Variants in HDAC7 observed in about 807,000 individuals in gnomAD.
HDAC7 encodes the protein histone deacetylase 7.
Under a neutral mutation model 115.5 loss-of-function variants are expected in HDAC7, and 26 were observed. The ratio of observed to expected loss-of-function variants is 0.23; its 90% confidence interval spans 0.16 to 0.31. The LOEUF is 0.31. Among genes scored for constraint, HDAC7 ranks in the 10% least tolerant of loss-of-function variants. The pLI is 1.00. For synonymous variants in HDAC7, 564 were observed against 550.9 expected, an observed-to-expected ratio of 1.02 and a Z score of -0.33; for missense variants, 1,068 against 1,329.0, an observed-to-expected ratio of 0.80 and a Z score of 3.05.
intron 22 of HDAC7, among the ~76,000 whole-genome samples, chr12:47,786,188 T>C (rs917682451): frequency 6.6e-6 from 1 of 152,120 alleles, no homozygotes; most frequent in Non-Finnish European, 1.5e-5. Context: ...CACCCTCTCT[T>C]CTTTCTGTAC....
intron 7 of HDAC7, 105 bp downstream of exon 7, chr12:47,796,912 T>C: frequency 7.6e-7 from 1 of 1,312,064 alleles, no homozygotes; most frequent in East Asian, 2.6e-5. Context: ...CAACCACGCA[T>C]GGCAGTCCTA....
chr12:47,787,868 AGTTT>A lies in HDAC7; in HGVS notation c.2356-63_2356-60del, dbSNP rs780297248. ...AGCAGAGTCCCAGAAGGGGAACACCAGTTTGTTAGAGCTGCCAGCCCAGCTCATC... is the reference window on the plus strand; with the variant it reads ...AGCAGAGTCCCAGAAGGGGAACACCAGTTAGAGCTGCCAGCCCAGCTCATC... On this transcript the variant is annotated intron_variant, in intron 20 of 25. Coordinates refer to ENST00000080059, the MANE Select transcript of HDAC7 (RefSeq NM_015401.5). 3 of 1,546,818 alleles carry A rather than the reference AGTTT, an allele frequency of 1.9e-6. No homozygotes were observed. The East Asian group carries it at 7.0e-5, about 36-fold the overall frequency.
At chr12:47,787,986 G>A (rs1943264405) in intron 20 of HDAC7, 59 bp downstream of exon 20, 1 of 1,593,160 alleles carries the variant, frequency 6.3e-7, no homozygotes, top group Non-Finnish European at 8.6e-7. Flanking sequence ...GACAGAGGCA[G>A]AGTAAGTGTC....
chr12:47,807,444 C>A (rs1459757712), intron 1 of HDAC7, among the ~76,000 whole-genome samples: 1 of 152,088 alleles, frequency 6.6e-6, no homozygotes, highest in Non-Finnish European at 1.5e-5. Context: ...CGCTGAGGCC[C>A]AGCAGTATTA....
chr12:47,796,164 C>T lies in HDAC7; in HGVS notation c.795+43G>A, dbSNP rs1417583609. On this transcript the variant is annotated intron_variant, in intron 8 of 25. Coordinates refer to ENST00000080059, the MANE Select transcript of HDAC7 (RefSeq NM_015401.5). Reference sequence around the variant, plus strand: ...GCCGCCTGCTGGAAGAAGGCTGAGCCTCAGAACTGCCCCAGGAGAGCCCAG... The same window carrying T: ...GCCGCCTGCTGGAAGAAGGCTGAGCTTCAGAACTGCCCCAGGAGAGCCCAG... 3 of 1,572,984 alleles carry T rather than the reference C, an allele frequency of 1.9e-6. No homozygotes were observed. In the Admixed American group the frequency reaches 5.7e-5, roughly 30 times the overall value.
intron 16 of HDAC7, chr12:47,790,354 A>C: frequency 5.5e-6 from 1 of 182,524 alleles, no homozygotes; most frequent in Non-Finnish European, 1.2e-5. Flanking sequence ...GGCCCCCCAA[A>C]CCCAGTCCCT....
rs1004884425 is a variant in HDAC7, at chr12:47,803,979, C to T, written c.20-1705G>A. Reference sequence around the variant, plus strand: ...TCCCCTGCCTCCTGGGAATTCTGTCCCACCTCCCCAGTCCCTACCCAGGGG... The same window carrying T: ...TCCCCTGCCTCCTGGGAATTCTGTCTCACCTCCCCAGTCCCTACCCAGGGG... On this transcript the variant is annotated intron_variant, in intron 1 of 25. Transcript: ENST00000080059. The surrounding 1 kb of genome is among the most constrained non-coding windows in gnomAD (Gnocchi z 4.0). Among the ~76,000 whole-genome samples, 3 of 152,154 alleles carry T rather than the reference C, an allele frequency of 2.0e-5. No homozygotes were observed. The highest frequency in any genetic ancestry group is 7.2e-5 in the African/African-American group (3 of 41,430).
intron 14 of HDAC7, 70 bp downstream of exon 14, chr12:47,791,801 G>GGCCCCCCCCCCCCCC: frequency 3.3e-6 from 5 of 1,511,050 alleles, no homozygotes; most frequent in Admixed American, 2.0e-5. Context: ...GGGCCCCAGG[G>GGCCCCCCCCCCCCCC]CCCCCCACCC....
chr12:47,787,229 C>A (rs758961485), intron 21 of HDAC7, among the ~76,000 whole-genome samples: 12 of 71,884 alleles, frequency 1.7e-4, no homozygotes, highest in Non-Finnish European at 3.3e-4. Context: ...TCATCCTCTC[C>A]CTCTTCCAGG....
chr12:47,789,742 G>C, intron 17 of HDAC7, 71 bp downstream of exon 17: 1 of 1,403,450 alleles, frequency 7.1e-7, no homozygotes, highest in Non-Finnish European at 1.0e-6. Flanking sequence ...GGGGTTCTGG[G>C]CCTGGATTCC....
intron 2 of HDAC7, among the ~76,000 whole-genome samples, chr12:47,800,533 G>A (rs1028238476): frequency 6.6e-6 from 1 of 152,220 alleles, no homozygotes; most frequent in African/African-American, 2.4e-5. Context: ...AGTAGAAAAT[G>A]TATGGCTTTG....
At chr12:47,802,366 C>T in intron 1 of HDAC7, 92 bp from the exon 2 acceptor site, 1 of 1,531,226 alleles carries the variant, frequency 6.5e-7, no homozygotes, top group South Asian at 1.2e-5. Flanking sequence ...CTGCTCCCTG[C>T]CACTCCAAGC....
At chr12:47,804,064 G>A (rs1377368827) in intron 1 of HDAC7, among the ~76,000 whole-genome samples, 1 of 152,136 alleles carries the variant, frequency 6.6e-6, no homozygotes, top group African/African-American at 2.4e-5. Flanking sequence ...TGCTCCCCTG[G>A]TAACCACAGA....
intron 1 of HDAC7, among the ~76,000 whole-genome samples, chr12:47,807,698 G>A (rs540609226): frequency 1.5e-4 from 23 of 152,030 alleles, no homozygotes; most frequent in Middle Eastern, 3.4e-3. Context: ...CCAGCCCTGC[G>A]CAGGTGAGAG....
chr12:47,783,931 A>C (rs1942999310), intron 25 of HDAC7, 45 bp from the exon 26 acceptor site: 3 of 1,611,950 alleles, frequency 1.9e-6, no homozygotes, highest in Admixed American at 1.7e-5. Flanking sequence ...CCAGGGCTGC[A>C]GCAAGGGCCT....
At position 47,798,683 on chromosome 12, in the gene HDAC7, A is replaced by G; in HGVS notation, c.259-31T>C. On this transcript the variant is annotated intron_variant, in intron 3 of 25. Transcript: ENST00000080059. The surrounding 1 kb of genome is among the most constrained non-coding windows in gnomAD (Gnocchi z 4.3). Reference sequence around the variant, plus strand: ...GGCAGGGCCGGCAGCCCAGAAAGGGACAAGGAGTTGAGGACTGAGACTGGT... The same window carrying G: ...GGCAGGGCCGGCAGCCCAGAAAGGGGCAAGGAGTTGAGGACTGAGACTGGT... 6.3e-7 allele frequency: 1 copy of G among 1,598,526 alleles called. No individual in the cohort carries two copies. The highest frequency in any genetic ancestry group is 8.5e-7 in the Non-Finnish European group (1 of 1,172,050).
rs1944007859 is a variant in HDAC7, at chr12:47,798,698, C to T, written c.259-46G>A. On this transcript the variant is annotated intron_variant, in intron 3 of 25. Coordinates refer to ENST00000080059, the MANE Select transcript of HDAC7 (RefSeq NM_015401.5). The surrounding 1 kb of genome is among the most constrained non-coding windows in gnomAD (Gnocchi z 4.3). ...CCAGAAAGGGACAAGGAGTTGAGGACTGAGACTGGTGTCTAGGGATGCTGA... is the reference window on the plus strand; with the variant it reads ...CCAGAAAGGGACAAGGAGTTGAGGATTGAGACTGGTGTCTAGGGATGCTGA... 1.9e-6 allele frequency: 3 copies of T among 1,585,590 alleles called. No homozygotes were observed. Among genetic ancestry groups the T allele is most frequent in the Non-Finnish European group, 2.6e-6 (3 of 1,164,858 alleles).
At chr12:47,791,168 GA>G in intron 16 of HDAC7, 90 bp downstream of exon 16, 1 of 1,239,432 alleles carries the variant, frequency 8.1e-7, no homozygotes, top group Non-Finnish European at 1.2e-6. Context: ...ACAACAAGCA[GA>G]GGTTCTGCAG....
Position 47,798,856 on chromosome 12 carries a change from G to A in HDAC7, c.187C>T (p.Arg63Cys), listed in dbSNP as rs771310623. ...PPEPTLLALQRPQRLHHHLFL... is the reference protein window; with the variant it reads ...PPEPTLLALQCPQRLHHHLFL... Reference sequence around the variant, plus strand: ...AGGTGGTGGTGCAGGCGCTGGGGACGCTGCAGGGCCAGCAATGTGGGCTCT... The same window carrying A: ...AGGTGGTGGTGCAGGCGCTGGGGACACTGCAGGGCCAGCAATGTGGGCTCT... The change falls in exon 3 of 26, where the codon CGT becomes TGT. Residue 63 changes from arginine to cysteine, a missense_variant. Arg to Cys is a radical substitution (Grantham distance 180). This residue lies in a region of HDAC7 where 161 missense variants were observed against 158.5 expected (regional missense o/e 1.02). Coordinates refer to ENST00000080059, the MANE Select transcript of HDAC7 (RefSeq NM_015401.5). This position sits in a 1 kb window ranked among gnomAD's most constrained non-coding sequence, Gnocchi z 4.3. 2.1e-5 allele frequency: 32 copies of A among 1,557,934 alleles called. No individual in the cohort carries two copies. The highest frequency in any genetic ancestry group is 3.6e-5 in the South Asian group (3 of 84,454).
Sources: gnomAD v4.1 joint callset for allele counts (sites outside exome capture counted in the v4.1 genomes callset) on GRCh38, gnomAD v4.1.1 for gene constraint, gnomAD v4.1.1 regional missense constraint, Gnocchi (gnomAD v3.1) non-coding constraint, MANE v1.5 for transcripts, NCBI Gene and HGNC (gene_info 2026-07-23, HGNC 2026-07-21) for gene names.